Variants in SGCD observed in about 807,000 individuals in gnomAD.
SGCD encodes the protein delta-sarcoglycan.
In SGCD, 18 loss-of-function variants were observed where a neutral mutation model predicts 36.6. The ratio of observed to expected loss-of-function variants is 0.49; its 90% confidence interval spans 0.34 to 0.73. The LOEUF is 0.73. Ranked by LOEUF, SGCD falls within the 30% of genes least tolerant of loss-of-function variation. SGCD has a pLI of 0.01. For missense variants in SGCD, 387 were observed against 346.7 expected, an observed-to-expected ratio of 1.12 and a Z score of -0.92; for synonymous variants, 133 against 130.6, an observed-to-expected ratio of 1.02 and a Z score of -0.12.
intron 1 of SGCD, among the ~76,000 whole-genome samples, chr5:156,083,164 T>C (rs1023879896): frequency 6.6e-6 from 1 of 152,176 alleles, no homozygotes; most frequent in African/African-American, 2.4e-5. Flanking sequence ...ATATTCAAGA[T>C]ACTAGTTTCA....
intron 7 of SGCD, among the ~76,000 whole-genome samples, chr5:156,727,835 C>A (rs1755854616): frequency 6.6e-6 from 1 of 152,150 alleles, no homozygotes. Flanking sequence ...TTCCATCTTT[C>A]ATACAAATTT....
Position 156,724,641 on chromosome 5 carries a change from T to G in SGCD, c.576-32940T>G, listed in dbSNP as rs566001856. ...AAAAGAAAGAAAATATAACTAGATA[T>G]TATTCTAGTGGTTCAGCTTTCTAAA... On this transcript the variant is annotated intron_variant, in intron 7 of 8. Coordinates refer to ENST00000337851, the MANE Select transcript of SGCD (RefSeq NM_000337.6). Among the ~76,000 whole-genome samples, 3 of 152,230 alleles carry G rather than the reference T, an allele frequency of 2.0e-5. No homozygotes were observed. In the East Asian group the frequency reaches 5.8e-4, roughly 29 times the overall value.
rs1314554112 is a variant in SGCD at position 156,406,811 on chromosome 5, TATATATATACACACAC to T, written c.192+62136_192+62151del. Among the ~76,000 whole-genome samples, 54 of 104,958 alleles carry T rather than the reference TATATATATACACACAC, an allele frequency of 5.1e-4. 1 individual carries two copies. The highest frequency in any genetic ancestry group is 5.5e-3 in the Middle Eastern group (1 of 182). 68.9% of individuals were successfully genotyped at this position (104,958 alleles called of 152,430 possible). A position where few individuals can be genotyped will look rare whatever the true frequency, so the allele number is the denominator to read the frequency against. ...GATTTTATATATATATATATATATA[TATATATATACACACAC>T]ACACACACACACACATATATATGTG... On this transcript the variant is annotated intron_variant, in intron 3 of 8. Transcript: ENST00000337851.
intron 1 of SGCD, among the ~76,000 whole-genome samples, chr5:155,927,532 A>AAGAT (rs1757015265): frequency 6.6e-6 from 1 of 152,226 alleles, no homozygotes; most frequent in African/African-American, 2.4e-5. Context: ...TCTAGATTGC[A>AAGAT]TGCTATCGAA....
chr5:155,949,801 A>C (rs1051730954), intron 1 of SGCD, among the ~76,000 whole-genome samples: 1 of 152,204 alleles, frequency 6.6e-6, no homozygotes, highest in Non-Finnish European at 1.5e-5. Flanking sequence ...AAAGCTGAAA[A>C]TATTTACAGT....
At chr5:156,251,364 T>A (rs1765572779) in intron 3 of SGCD, among the ~76,000 whole-genome samples, 1 of 152,100 alleles carries the variant, frequency 6.6e-6, no homozygotes, top group Admixed American at 6.6e-5. Context: ...CTAGACCCCC[T>A]TTTCCCTCTA....
chr5:156,281,748 TTCAGAGGTTAGCTC>T (rs1325466585), intron 3 of SGCD, among the ~76,000 whole-genome samples: 1 of 152,186 alleles, frequency 6.6e-6, no homozygotes, highest in African/African-American at 2.4e-5. Context: ...CTAATTTAAA[TTCAGAGGTTAGCTC>T]TAGCTTCAGG....
At chr5:155,986,745 AC>A (rs1314158608) in intron 1 of SGCD, among the ~76,000 whole-genome samples, 1 of 152,156 alleles carries the variant, frequency 6.6e-6, no homozygotes, top group African/African-American at 2.4e-5. Context: ...CTTCTCCCAC[AC>A]CTGTTTCTTC....
chr5:156,559,071 A>G (rs1759165558), intron 4 of SGCD, among the ~76,000 whole-genome samples: 1 of 152,168 alleles, frequency 6.6e-6, no homozygotes, highest in Non-Finnish European at 1.5e-5. Context: ...TCTACTACTC[A>G]CTGGCTAAAT....
At chr5:156,277,971 C>A (rs1766359171) in intron 3 of SGCD, among the ~76,000 whole-genome samples, 1 of 151,888 alleles carries the variant, frequency 6.6e-6, no homozygotes, top group Non-Finnish European at 1.5e-5. Context: ...GTAAAGGAAG[C>A]ACTGAATGGA....
In SGCD at chr5:156,361,150, G is replaced by T. The variant is rs542766704; in HGVS notation, c.192+16473G>T. Among the ~76,000 whole-genome samples, 8 of 152,330 alleles carry T rather than the reference G, an allele frequency of 5.3e-5. No homozygotes were observed. The East Asian group carries it at 1.5e-3, about 29-fold the overall frequency. ...TGCTGGAGCCTGGAGCGCCCAACAAGATCCTGTAGTTGCTTGTTCATGCGC... is the reference window on the plus strand; with the variant it reads ...TGCTGGAGCCTGGAGCGCCCAACAATATCCTGTAGTTGCTTGTTCATGCGC... On this transcript the variant is annotated intron_variant, in intron 3 of 8. Transcript: ENST00000337851.
At chr5:156,046,369 C>A (rs985251462) in intron 1 of SGCD, among the ~76,000 whole-genome samples, 3 of 151,942 alleles carry the variant, frequency 2.0e-5, no homozygotes, top group African/African-American at 7.3e-5. Context: ...GCAGGCATAC[C>A]TAGTTTTATT....
At chr5:156,145,149 G>A (rs1323479237) in intron 3 of SGCD, among the ~76,000 whole-genome samples, 1 of 152,162 alleles carries the variant, frequency 6.6e-6, no homozygotes, top group East Asian at 1.9e-4. Context: ...CTTCGTGAAT[G>A]ATTTAGCACC....
At chr5:156,070,621 G>C (rs1263542997) in intron 1 of SGCD, among the ~76,000 whole-genome samples, 2 of 152,012 alleles carry the variant, frequency 1.3e-5, no homozygotes, top group Non-Finnish European at 2.9e-5. Flanking sequence ...GTCAGGCTTT[G>C]GTATCAGGAT....
chr5:156,222,896 C>T (rs1295243145), intron 3 of SGCD, among the ~76,000 whole-genome samples: 1 of 152,062 alleles, frequency 6.6e-6, no homozygotes, highest in East Asian at 1.9e-4. Context: ...AGGAAACCTT[C>T]CTGTCAAAAA....
intron 6 of SGCD, among the ~76,000 whole-genome samples, chr5:156,646,310 G>T (rs1332728916): frequency 6.6e-6 from 1 of 152,142 alleles, no homozygotes; most frequent in Admixed American, 6.5e-5. Context: ...GATTTTGCTG[G>T]CTTGCCATTC....
At chr5:155,831,362 A>T in the SGCD span, among the ~76,000 whole-genome samples, 1 of 152,192 alleles carries the variant, frequency 6.6e-6, no homozygotes, top group African/African-American at 2.4e-5. Flanking sequence ...ACACAATATG[A>T]AAGGGGGAGA....
intron 1 of SGCD, among the ~76,000 whole-genome samples, chr5:156,067,903 C>A: frequency 7.8e-6 from 1 of 128,986 alleles, no homozygotes; most frequent in African/African-American, 4.6e-5. Flanking sequence ...CCGTCTTCTG[C>A]GTCGCTCACG....
intron 1 of SGCD, among the ~76,000 whole-genome samples, chr5:155,932,985 T>C (rs1757126376): frequency 6.6e-6 from 1 of 152,196 alleles, no homozygotes; most frequent in Non-Finnish European, 1.5e-5. Flanking sequence ...CCCTTGCTCC[T>C]ACCTCTTCTG....
Sources: gnomAD v4.1 joint callset for allele counts (sites outside exome capture counted in the v4.1 genomes callset) on GRCh38, gnomAD v4.1.1 for gene constraint, MANE v1.5 for transcripts, NCBI Gene and HGNC (gene_info 2026-07-23, HGNC 2026-07-21) for gene names.